ARHGEF12: variants seen among roughly 807,000 people sequenced by gnomAD.
ARHGEF12 encodes the protein KMT2A/ARHGEF12 fusion protein.
Under a neutral mutation model 211.2 loss-of-function variants are expected in ARHGEF12, and 66 were observed. The observed-to-expected ratio is 0.31, with a 90% CI of 0.26 to 0.38. The LOEUF (loss-of-function observed/expected upper bound fraction) is 0.38. Ranked by LOEUF, ARHGEF12 falls within the 10% of genes least tolerant of loss-of-function variation. The probability of loss-of-function intolerance (pLI) is 1.00; values close to 1 mark genes in which losing one functional copy is unlikely to be tolerated. For synonymous variants in ARHGEF12, 592 were observed against 638.4 expected, an observed-to-expected ratio of 0.93 and a Z score of 1.09; for missense variants, 1,429 against 1,869.5, an observed-to-expected ratio of 0.76 and a Z score of 4.34.
rs1947431009 is a variant in ARHGEF12 at position 120,487,658 on chromosome 11, G to C, written c.*2581G>C. Reference sequence around the variant, plus strand: ...CTACTTCCCTGCTAAAGGGCACAGGGGTGGTGTACAAAGAAAGCTACCTTC... The same window carrying C: ...CTACTTCCCTGCTAAAGGGCACAGGCGTGGTGTACAAAGAAAGCTACCTTC... On this transcript the variant is annotated 3_prime_UTR_variant, in exon 41 of 41. Transcript: ENST00000397843. The C allele has an allele frequency of 4.6e-6, 1 of 217,358 alleles. No homozygotes were observed. Among genetic ancestry groups the C allele is most frequent in the Non-Finnish European group, 9.2e-6 (1 of 108,128 alleles). The allele number at this position is 217,358 out of a possible 1,614,324, so 13.5% of individuals were successfully genotyped here.
At chr11:120,483,869 C>G (rs2136026095) in intron 39 of ARHGEF12, among the ~76,000 whole-genome samples, 2 of 152,300 alleles carry the variant, frequency 1.3e-5, no homozygotes, top group East Asian at 3.9e-4. Context: ...CTGCCTCGGC[C>G]TCCCAAAGTG....
At chr11:120,348,607 C>T (rs1404914477) in intron 1 of ARHGEF12, among the ~76,000 whole-genome samples, 1 of 152,060 alleles carries the variant, frequency 6.6e-6, no homozygotes, top group Non-Finnish European at 1.5e-5. Context: ...TTTGGGAAGT[C>T]GAGGCAGGCG....
chr11:120,430,575 T>C (rs1269119001), intron 10 of ARHGEF12, among the ~76,000 whole-genome samples: 3 of 152,232 alleles, frequency 2.0e-5, no homozygotes, highest in Admixed American at 2.0e-4. Flanking sequence ...ATTTGGGATA[T>C]GTAAAGCACC....
chr11:120,447,960 T>A, intron 19 of ARHGEF12, 54 bp downstream of exon 19: 1 of 1,377,830 alleles, frequency 7.3e-7, no homozygotes, highest in Non-Finnish European at 9.9e-7. Flanking sequence ...GAACTATGTT[T>A]TTTTCCTTTC....
At chr11:120,429,946 A>T in intron 10 of ARHGEF12, 115 bp downstream of exon 10, 10 of 1,141,582 alleles carry the variant, frequency 8.8e-6, no homozygotes, top group Non-Finnish European at 1.2e-5. Flanking sequence ...GCGTAGGACA[A>T]CAGGATGTCC....
chr11:120,467,924 CT>C (rs1946756657), intron 29 of ARHGEF12, among the ~76,000 whole-genome samples: 1 of 152,140 alleles, frequency 6.6e-6, no homozygotes, highest in Non-Finnish European at 1.5e-5. Context: ...TCCCTGATTG[CT>C]TTTACATTAT....
At chr11:120,430,820 A>C (rs1045652533) in intron 10 of ARHGEF12, among the ~76,000 whole-genome samples, 1 of 152,216 alleles carries the variant, frequency 6.6e-6, no homozygotes, top group Non-Finnish European at 1.5e-5. Flanking sequence ...GCCATACAGT[A>C]TGTAAGGTCC....
At chr11:120,386,141 G>A (rs1205870599) in intron 1 of ARHGEF12, among the ~76,000 whole-genome samples, 2 of 152,140 alleles carry the variant, frequency 1.3e-5, no homozygotes, top group Non-Finnish European at 2.9e-5. Context: ...CAGCTGAAAT[G>A]TTGATTATAA....
chr11:120,363,187 A>T (rs1486145612), intron 1 of ARHGEF12, among the ~76,000 whole-genome samples: 1 of 152,244 alleles, frequency 6.6e-6, no homozygotes, highest in Non-Finnish European at 1.5e-5. Context: ...GTTGAAATAA[A>T]GTTTAAGGTT....
chr11:120,429,945 AACAGGATG>A, intron 10 of ARHGEF12, 114 bp downstream of exon 10: 1 of 1,172,866 alleles, frequency 8.5e-7, no homozygotes, highest in Non-Finnish European at 1.2e-6. Flanking sequence ...AGCGTAGGAC[AACAGGATG>A]TCCTGTTAAG....
rs890678910 is a variant in ARHGEF12 at position 120,337,861 on chromosome 11, G to A, written c.32+586G>A. ...CTGGAAGCAATGTCCAGGAGCTGAAGAAATGAGGGTAAATCATGGGGTTTG... is the reference window on the plus strand; with the variant it reads ...CTGGAAGCAATGTCCAGGAGCTGAAAAAATGAGGGTAAATCATGGGGTTTG... On this transcript the variant is annotated intron_variant, in intron 1 of 40. Coordinates refer to ENST00000397843, the MANE Select transcript of ARHGEF12 (RefSeq NM_015313.3). 4 of 985,326 alleles carry A rather than the reference G, an allele frequency of 4.1e-6. No individual in the cohort carries two copies. In the African/African-American group the frequency reaches 7.0e-5, roughly 17 times the overall value. 61.0% of individuals were successfully genotyped at this position (985,326 alleles called of 1,614,324 possible). A position where few individuals can be genotyped will look rare whatever the true frequency, so the allele number is the denominator to read the frequency against.
At chr11:120,460,609 A>G (rs1214975218) in intron 26 of ARHGEF12, 63 bp from the exon 27 acceptor site, 1 of 1,388,694 alleles carries the variant, frequency 7.2e-7, no homozygotes, top group South Asian at 1.2e-5. Context: ...GCTACTCTGT[A>G]CTACCAGTAA....
At chr11:120,402,644 G>A (rs4245212) in intron 1 of ARHGEF12, among the ~76,000 whole-genome samples, 94,220 of 151,952 alleles carry the variant, frequency 0.62, 30,554 homozygotes, top group African/African-American at 0.81. Context: ...TTATAACTAA[G>A]CCCAGGGAAG....
intron 31 of ARHGEF12, among the ~76,000 whole-genome samples, chr11:120,474,353 C>T (rs1946963299): frequency 6.6e-6 from 1 of 152,164 alleles, no homozygotes; most frequent in Non-Finnish European, 1.5e-5. Flanking sequence ...CTGCAAGATA[C>T]CTTTTCCTTT....
At chr11:120,471,197 G>C (rs1380432495) in intron 30 of ARHGEF12, among the ~76,000 whole-genome samples, 1 of 152,110 alleles carries the variant, frequency 6.6e-6, no homozygotes, top group East Asian at 1.9e-4. Flanking sequence ...ATAGCGAAAA[G>C]CTAGAAACAG....
chr11:120,407,569 CTG>C lies in ARHGEF12; in HGVS notation c.57-165_57-164del, dbSNP rs558845255. On this transcript the variant is annotated intron_variant, in intron 2 of 40. Transcript: ENST00000397843. ...CAGTTTTTATAATCAAGTAAATAGA[CTG>C]TGTATAACCAAAACTTATTGAAAAA... Among the ~76,000 whole-genome samples, 220 of 152,208 alleles carry C rather than the reference CTG, an allele frequency of 1.4e-3. 1 individual carries two copies. Among genetic ancestry groups the C allele is most frequent in the Non-Finnish European group, 3.5e-4 (24 of 67,992 alleles).
chr11:120,431,620 G>A (rs559067258), intron 10 of ARHGEF12, 151 bp from the exon 11 acceptor site: 14 of 729,752 alleles, frequency 1.9e-5, no homozygotes, highest in South Asian at 1.2e-4. Context: ...GATTTTACTC[G>A]TAGAATTTTA....
At chr11:120,342,218 T>G (rs1942558531) in intron 1 of ARHGEF12, among the ~76,000 whole-genome samples, 1 of 152,176 alleles carries the variant, frequency 6.6e-6, no homozygotes, top group Non-Finnish European at 1.5e-5. Context: ...GTCAGTTGGA[T>G]TTTTCTCTTA....
chr11:120,414,842 T>C (rs1158187161), intron 4 of ARHGEF12, among the ~76,000 whole-genome samples: 1 of 152,210 alleles, frequency 6.6e-6, no homozygotes, highest in African/African-American at 2.4e-5. Flanking sequence ...TCCTCTTGCC[T>C]TGGCCTCCCA....
Sources: allele counts gnomAD v4.1 joint callset (sites outside exome capture counted in the v4.1 genomes callset), GRCh38; gene constraint gnomAD v4.1.1; transcripts MANE v1.5; gene names NCBI Gene and HGNC (gene_info 2026-07-23, HGNC 2026-07-21).